COTL1: variants seen among roughly 807,000 people sequenced by gnomAD.
COTL1 encodes coactosin-like protein.
In COTL1, 15 loss-of-function variants were observed where a neutral mutation model predicts 16.5. The observed-to-expected ratio is 0.91, with a 90% confidence interval of 0.61 to 1.40. The LOEUF (loss-of-function observed/expected upper bound fraction) is 1.40, where lower values mean the gene tolerates loss of function less well. Among genes scored for constraint, COTL1 ranks in the 40% most tolerant of loss-of-function variants. COTL1 has a pLI of 0.00. For missense variants in COTL1, 220 were observed against 201.5 expected, an observed-to-expected ratio of 1.09 and a Z score of -0.56; for synonymous variants, 112 against 85.3, an observed-to-expected ratio of 1.31 and a Z score of -1.73.
Position 84,598,192 on chromosome 16 carries a change from C to G in COTL1, c.161-7930G>C, listed in dbSNP as rs148085240. Among the ~76,000 whole-genome samples, 421 of 152,278 alleles carry G rather than the reference C, an allele frequency of 2.8e-3. 1 individual carries two copies. Among genetic ancestry groups the G allele is most frequent in the South Asian group, 7.5e-3 (36 of 4,828 alleles). ...CCTCCCCTTCCCACCCAGAGAGAGTCTTGTTCATGAAAAGACACAGCTGTT... is the reference window on the plus strand; with the variant it reads ...CCTCCCCTTCCCACCCAGAGAGAGTGTTGTTCATGAAAAGACACAGCTGTT... On this transcript the variant is annotated intron_variant, in intron 2 of 3. Coordinates refer to ENST00000262428, the MANE Select transcript of COTL1 (RefSeq NM_021149.5).
At chr16:84,598,078 G>A (rs1260359460) in intron 2 of COTL1, among the ~76,000 whole-genome samples, 2 of 152,204 alleles carry the variant, frequency 1.3e-5, no homozygotes, top group Non-Finnish European at 2.9e-5. Flanking sequence ...CCCATCCTGA[G>A]GACGGTGGTT....
intron 3 of COTL1, among the ~76,000 whole-genome samples, chr16:84,582,270 C>T (rs1396114851): frequency 2.0e-5 from 3 of 152,150 alleles, no homozygotes; most frequent in Non-Finnish European, 4.4e-5. Context: ...GCTGGGATTA[C>T]AGGCATGAGC....
intron 3 of COTL1, among the ~76,000 whole-genome samples, chr16:84,584,667 C>G (rs1430969501): frequency 6.6e-6 from 1 of 152,178 alleles, no homozygotes; most frequent in Admixed American, 6.5e-5. Flanking sequence ...AAATAATCTA[C>G]AGTGTAGAAA....
intron 2 of COTL1, among the ~76,000 whole-genome samples, chr16:84,602,437 T>G (rs375688042): frequency 6.6e-6 from 1 of 151,214 alleles, no homozygotes; most frequent in Admixed American, 6.6e-5. Context: ...TAAAACCAAT[T>G]CTTTGTCAGG....
At chr16:84,567,057 T>A in intron 3 of COTL1, 102 bp from the exon 4 acceptor site, 2 of 761,882 alleles carry the variant, frequency 2.6e-6, no homozygotes, top group South Asian at 1.5e-5. Flanking sequence ...CTGAAAACCC[T>A]GATGAGAGAT....
rs1567542724 is a variant in COTL1 at position 84,617,195 on chromosome 16, GA to G, written c.160+305del. Among the ~76,000 whole-genome samples, 10 of 152,162 alleles carry G rather than the reference GA, an allele frequency of 6.6e-5. No individual in the cohort carries two copies. In the East Asian group the frequency reaches 1.9e-3, roughly 29 times the overall value. On this transcript the variant is annotated intron_variant, in intron 2 of 3. Coordinates refer to ENST00000262428, the MANE Select transcript of COTL1 (RefSeq NM_021149.5). The stretch of plus-strand genomic sequence containing the variant: ...AGTGGGAAGAGCTGGATGGACACTG[GA>G]GTTTGGAAACACAGGAGTTGACCTT...
chr16:84,597,668 G>C (rs140319944), intron 2 of COTL1, among the ~76,000 whole-genome samples: 1 of 152,318 alleles, frequency 6.6e-6, no homozygotes, highest in East Asian at 1.9e-4. Context: ...ACTGTTGGGA[G>C]AGGGGACGAG....
chr16:84,590,253 C>G lies in COTL1; in HGVS notation c.170G>C (p.Arg57Pro). Residue 57 changes from arginine to proline, a missense_variant, in exon 3 of 4, where the codon CGG (arginine) becomes CCG (proline). Coordinates refer to ENST00000262428, the MANE Select transcript of COTL1 (RefSeq NM_021149.5). The surrounding 1 kb of genome is among the most constrained non-coding windows in gnomAD (Gnocchi z 5.5). ...HFIQQCTDDV[R>P]LFAFVRFTTG... Reference sequence around the variant, plus strand: ...GGTGAAGCGCACGAAGGCAAACAACCGGACGTCATCTGTGGCCAAAAGCGA... The same window carrying G: ...GGTGAAGCGCACGAAGGCAAACAACGGGACGTCATCTGTGGCCAAAAGCGA... 6.2e-7 allele frequency: 1 copy of G among 1,613,856 alleles called. No homozygotes were observed. The highest frequency in any genetic ancestry group is 1.1e-5 in the South Asian group (1 of 91,074).
At chr16:84,605,129 C>T (rs1310799927) in intron 2 of COTL1, among the ~76,000 whole-genome samples, 1 of 149,984 alleles carries the variant, frequency 6.7e-6, no homozygotes, top group Non-Finnish European at 1.5e-5. Flanking sequence ...ACACTTCCCA[C>T]GGCCCCCCAT....
At chr16:84,615,509 T>C (rs1304286478) in intron 2 of COTL1, among the ~76,000 whole-genome samples, 2 of 151,834 alleles carry the variant, frequency 1.3e-5, no homozygotes, top group Non-Finnish European at 1.5e-5. Flanking sequence ...AGGCAGAACA[T>C]GGTTTGATGG....
At chr16:84,583,843 A>G (rs1478527014) in intron 3 of COTL1, among the ~76,000 whole-genome samples, 1 of 151,716 alleles carries the variant, frequency 6.6e-6, no homozygotes, top group Non-Finnish European at 1.5e-5. Context: ...TCCCACCTCC[A>G]CTTCTCCTTG....
intron 2 of COTL1, among the ~76,000 whole-genome samples, chr16:84,591,252 C>T (rs1261761541): frequency 2.7e-5 from 4 of 149,882 alleles, no homozygotes; most frequent in Admixed American, 1.3e-4. Flanking sequence ...GGCGCGATCT[C>T]GACTCACTGC....
intron 2 of COTL1, among the ~76,000 whole-genome samples, chr16:84,616,835 T>C (rs77816206): frequency 0.088 from 13,450 of 152,126 alleles, 655 homozygotes; most frequent in Middle Eastern, 0.2. Flanking sequence ...CATAACCCCC[T>C]CCCAGATCAA....
intron 2 of COTL1, among the ~76,000 whole-genome samples, chr16:84,608,451 C>T (rs1466929923): frequency 1.3e-5 from 2 of 152,160 alleles, no homozygotes; most frequent in South Asian, 2.1e-4. Flanking sequence ...ACTGAAAGAG[C>T]TACCACAAAG....
intron 2 of COTL1, among the ~76,000 whole-genome samples, chr16:84,603,314 T>TC (rs1905138779): frequency 6.6e-6 from 1 of 152,110 alleles, no homozygotes; most frequent in South Asian, 2.1e-4. Flanking sequence ...AGGCAGAACC[T>TC]CCCCTCTTCC....
intron 2 of COTL1, among the ~76,000 whole-genome samples, chr16:84,609,633 T>C (rs6564064): frequency 1 from 152,286 of 152,314 alleles, 76,129 homozygotes; most frequent in Non-Finnish European, 1. Flanking sequence ...GGCTCTGGGT[T>C]CCCACCCAAA....
intron 3 of COTL1, among the ~76,000 whole-genome samples, chr16:84,586,001 C>T (rs1904722676): frequency 6.6e-6 from 1 of 152,176 alleles, no homozygotes; most frequent in South Asian, 2.1e-4. Flanking sequence ...ACCCCGCCTC[C>T]CTGCCCAAAG....
chr16:84,604,040 C>T (rs1045573929), intron 2 of COTL1, among the ~76,000 whole-genome samples: 8 of 133,856 alleles, frequency 6.0e-5, no homozygotes, highest in Non-Finnish European at 3.2e-5. Context: ...CCGCAACTCC[C>T]CTCTCCCTCC....
intron 2 of COTL1, among the ~76,000 whole-genome samples, chr16:84,598,664 C>CT (rs1393169375): frequency 1.3e-5 from 2 of 151,092 alleles, no homozygotes; most frequent in Admixed American, 6.6e-5. Flanking sequence ...CCAACCCCCC[C>CT]CACCAACCCC....
Sources: allele counts gnomAD v4.1 joint callset (sites outside exome capture counted in the v4.1 genomes callset), GRCh38; gene constraint gnomAD v4.1.1; non-coding constraint Gnocchi (gnomAD v3.1); transcripts MANE v1.5; gene names NCBI Gene and HGNC (gene_info 2026-07-23, HGNC 2026-07-21).